KPNA7: variants seen among roughly 807,000 people sequenced by gnomAD.
KPNA7 encodes the protein importin subunit alpha-8.
KPNA7 carries 54 observed loss-of-function variants against 53.7 expected under a neutral mutation model. The ratio of observed to expected loss-of-function variants is 1.01; its 90% CI spans 0.81 to 1.26. KPNA7 has a LOEUF of 1.26. Among genes scored for constraint, KPNA7 ranks in the 50% most tolerant of loss-of-function variants. The probability of loss-of-function intolerance (pLI) is 0.00; values close to 1 mark genes in which losing one functional copy is unlikely to be tolerated. For synonymous variants in KPNA7, 276 were observed against 259.3 expected, an observed-to-expected ratio of 1.06 and a Z score of -0.62; for missense variants, 640 against 644.5, an observed-to-expected ratio of 0.99 and a Z score of 0.07.
At chr7:99,178,305 C>T (rs1798998892) in intron 9 of KPNA7, among the ~76,000 whole-genome samples, 1 of 152,118 alleles carries the variant, frequency 6.6e-6, no homozygotes. Context: ...CGCAGTGTCT[C>T]ATGCCTGTAA....
At chr7:99,203,268 T>TA in intron 2 of KPNA7, 28 bp from the exon 3 acceptor site, 1 of 1,545,854 alleles carries the variant, frequency 6.5e-7, no homozygotes, top group Non-Finnish European at 8.8e-7. Context: ...TTGGAGCATT[T>TA]AGAACCAGGA....
chr7:99,193,579 C>T (rs1052751346), intron 5 of KPNA7, among the ~76,000 whole-genome samples: 22 of 152,164 alleles, frequency 1.4e-4, no homozygotes, highest in Non-Finnish European at 3.1e-4. Flanking sequence ...CAAGTCATCA[C>T]ATTGTACCAT....
intron 1 of KPNA7, among the ~76,000 whole-genome samples, chr7:99,217,480 G>A (rs1791243797): frequency 6.6e-6 from 1 of 152,140 alleles, no homozygotes; most frequent in African/African-American, 2.4e-5. Context: ...AGCAGCCTCT[G>A]CCTCAATGCC....
chr7:99,208,951 A>C (rs1231563115), upstream of KPNA7, among the ~76,000 whole-genome samples: 1 of 152,134 alleles, frequency 6.6e-6, no homozygotes, highest in Non-Finnish European at 1.5e-5. Flanking sequence ...CAGGAGTTCG[A>C]GATCAGCCTG....
At chr7:99,168,564 G>A in the KPNA7 span, among the ~76,000 whole-genome samples, 1 of 152,032 alleles carries the variant, frequency 6.6e-6, no homozygotes, top group Non-Finnish European at 1.5e-5. Flanking sequence ...AGGCTGGGGT[G>A]TGGTGGCAGG....
chr7:99,181,915 T>G lies in KPNA7; in HGVS notation c.1285A>C (p.Ile429Leu), dbSNP rs1789266591. Residue 429 changes from isoleucine to leucine, a missense_variant, in exon 9 of 11, where the codon ATC becomes CTC. By Grantham distance (5) the Ile-to-Leu change is conservative. Coordinates refer to ENST00000327442, the MANE Select transcript of KPNA7 (RefSeq NM_001145715.3). ...LTAPDVKIVL[I>L]ILDVISCILQ... ...ATGCAAGAGATGACATCAAGGATGA[T>G]GAGAACAATTTTAACATCTGGGGCA... 6 of 1,550,630 alleles carry G rather than the reference T, an allele frequency of 3.9e-6. No individual in the cohort carries two copies. Among genetic ancestry groups the G allele is most frequent in the Non-Finnish European group, 5.2e-6 (6 of 1,146,204 alleles).
chr7:99,185,096 C>A lies in KPNA7; in HGVS notation c.967G>T (p.Asp323Tyr). 1 of 1,552,012 alleles carries A rather than the reference C, an allele frequency of 6.4e-7. No individual in the cohort carries two copies. The highest frequency in any genetic ancestry group is 1.2e-5 in the South Asian group (1 of 84,050). ...GTDEQTQMAI[D>Y]AGMLNVLPQL... ...GGGAGCACGTTCAGCATACCCGCAT[C>A]AATGGCCATCTGCGTCTGCTCATCT... is the stretch of plus-strand genomic sequence containing the variant. Residue 323 changes from aspartate (D) to tyrosine (Y), a missense_variant, in exon 8 of 11, where the codon GAT (aspartate) becomes TAT (tyrosine). Physicochemically the swap from Asp to Tyr is radical, Grantham distance 160. Coordinates refer to ENST00000327442, the MANE Select transcript of KPNA7 (RefSeq NM_001145715.3).
chr7:99,181,813 G>T, intron 9 of KPNA7, 70 bp downstream of exon 9: 1 of 1,299,626 alleles, frequency 7.7e-7, no homozygotes, highest in South Asian at 1.7e-5. Context: ...TGAATTTTAA[G>T]AGCCACATTA....
chr7:99,216,711 G>T (rs142151727), intron 1 of KPNA7, among the ~76,000 whole-genome samples: 2 of 152,112 alleles, frequency 1.3e-5, no homozygotes, highest in Non-Finnish European at 2.9e-5. Context: ...ACGGGCATGC[G>T]CCACCATGCC....
chr7:99,183,668 T>C (rs1789404227), intron 8 of KPNA7, among the ~76,000 whole-genome samples: 1 of 151,966 alleles, frequency 6.6e-6, no homozygotes, highest in Non-Finnish European at 1.5e-5. Context: ...ACACCGCCAG[T>C]AGCTTCTCCT....
Position 99,181,053 on chromosome 7 carries a change from CCG to C in KPNA7, c.1317+828_1317+829del, listed in dbSNP as rs1395922031. Among the ~76,000 whole-genome samples, 13 of 40,686 alleles carry C rather than the reference CCG, an allele frequency of 3.2e-4. 5 individuals carry two copies. The highest frequency in any genetic ancestry group is 1.2e-3 in the African/African-American group (11 of 8,854). 26.7% of individuals were successfully genotyped at this position (40,686 alleles called of 152,430 possible). On this transcript the variant is annotated intron_variant, in intron 9 of 10. Transcript: ENST00000327442. ...TCTGTGTGTGTCTCTCTCTCTCTCT[CCG>C]TCTGTGTCTCTCTCTCCATCTGTGT...
chr7:99,162,353 A>G, the KPNA7 span, among the ~76,000 whole-genome samples: 1 of 152,134 alleles, frequency 6.6e-6, no homozygotes, highest in Non-Finnish European at 1.5e-5. Context: ...TGAGAATTGC[A>G]TTCTTTGAGG....
chr7:99,178,533 A>T (rs1463271257), intron 9 of KPNA7, among the ~76,000 whole-genome samples: 1 of 151,994 alleles, frequency 6.6e-6, no homozygotes, highest in Non-Finnish European at 1.5e-5. Context: ...GCGCCACTGC[A>T]CTCCAGCCTG....
At chr7:99,151,036 CAAATT>C in the KPNA7 span, among the ~76,000 whole-genome samples, 1 of 152,166 alleles carries the variant, frequency 6.6e-6, no homozygotes, top group African/African-American at 2.4e-5. Flanking sequence ...TTCACAGAAA[CAAATT>C]AAATTAATTT....
At chr7:99,168,689 G>T (rs541106840), downstream of KPNA7, among the ~76,000 whole-genome samples, 1 of 152,100 alleles carries the variant, frequency 6.6e-6, no homozygotes, top group East Asian at 1.9e-4. Context: ...GTAGAGATGG[G>T]ATCTTGCTAT....
intron 1 of KPNA7, among the ~76,000 whole-genome samples, chr7:99,213,778 TGTTTTC>T (rs771612983): frequency 3.9e-5 from 6 of 152,058 alleles, no homozygotes; most frequent in Non-Finnish European, 1.5e-5. Context: ...ACTCAGCTAA[TGTTTTC>T]ATTTTTCAGA....
At chr7:99,173,124 C>T (rs1798802980), downstream of KPNA7, among the ~76,000 whole-genome samples, 1 of 148,478 alleles carries the variant, frequency 6.7e-6, no homozygotes, top group Non-Finnish European at 1.5e-5. Flanking sequence ...TAAGACCATT[C>T]TACTCTGTCT....
At chr7:99,203,028 C>A in intron 3 of KPNA7, 78 bp downstream of exon 3, 1 of 1,486,542 alleles carries the variant, frequency 6.7e-7, no homozygotes, top group South Asian at 1.3e-5. Flanking sequence ...AGTTCTGAAT[C>A]TATTAAATAT....
chr7:99,147,403 C>T, the KPNA7 span, among the ~76,000 whole-genome samples: 1 of 152,200 alleles, frequency 6.6e-6, no homozygotes, highest in Non-Finnish European at 1.5e-5. Context: ...TGCACAAAGG[C>T]ATGAACGTGA....
Sources: allele counts gnomAD v4.1 joint callset (sites outside exome capture counted in the v4.1 genomes callset), GRCh38; gene constraint gnomAD v4.1.1; transcripts MANE v1.5; gene names NCBI Gene and HGNC (gene_info 2026-07-23, HGNC 2026-07-21).